Variants in ARHGAP27 observed in about 807,000 individuals in gnomAD.
ARHGAP27 encodes Rho GTPase activating protein 27, also known as rho GTPase-activating protein 27.
Under a neutral mutation model 102.0 loss-of-function variants are expected in ARHGAP27, and 53 were observed. That is an observed-to-expected ratio of 0.52 (90% CI 0.42 to 0.65). The LOEUF is 0.65. Ranked by LOEUF, ARHGAP27 falls within the 30% of genes least tolerant of loss-of-function variation. The probability of loss-of-function intolerance (pLI) is 0.00; values close to 1 mark genes in which losing one functional copy is unlikely to be tolerated. For synonymous variants in ARHGAP27, 525 were observed against 542.8 expected, an observed-to-expected ratio of 0.97 and a Z score of 0.46; for missense variants, 1,117 against 1,256.2, an observed-to-expected ratio of 0.89 and a Z score of 1.68.
intron 16 of ARHGAP27, 31 bp downstream of exon 16, chr17:45,396,456 C>T: frequency 6.7e-7 from 1 of 1,500,584 alleles, no homozygotes. Flanking sequence ...CACCCCAATG[C>T]CTGCCGCCCT....
chr17:45,419,560 C>G, intron 4 of ARHGAP27, among the ~76,000 whole-genome samples: 1 of 122,280 alleles, frequency 8.2e-6, no homozygotes, highest in Non-Finnish European at 1.6e-5. Context: ...ATATATATGA[C>G]TTTGTAACAA....
At chr17:45,421,599 G>A (rs753469838) in intron 4 of ARHGAP27, among the ~76,000 whole-genome samples, 20 of 152,194 alleles carry the variant, frequency 1.3e-4, no homozygotes, top group Non-Finnish European at 1.3e-4. Context: ...TGAGGGTGCT[G>A]AGAAAAGAAT....
intron 5 of ARHGAP27, 129 bp from the exon 6 acceptor site, chr17:45,405,235 G>T (rs1199818183): frequency 9.8e-7 from 1 of 1,025,218 alleles, no homozygotes; most frequent in East Asian, 2.6e-5. Flanking sequence ...GGCGGGGTCA[G>T]AAGCGCTCAG....
chr17:45,430,413 G>A lies in ARHGAP27; in HGVS notation c.-18-116C>T, dbSNP rs2049972371. ...GATCCTGCACTCGCCGTTCGCCTTC[G>A]GGCCTCAGTTTTCCCATCTCTAAAA... On this transcript the variant is annotated intron_variant, in intron 3 of 19. Coordinates refer to ENST00000685559, the MANE Select transcript of ARHGAP27 (RefSeq NM_001282290.2). This position sits in a 1 kb window ranked among gnomAD's most constrained non-coding sequence, Gnocchi z 4.4. 7.0e-7 allele frequency: 1 copy of A among 1,419,188 alleles called. No homozygotes were observed. The highest frequency in any genetic ancestry group is 1.4e-5 in the South Asian group (1 of 70,556). The allele number at this position is 1,419,188 out of a possible 1,614,324, so 87.9% of individuals were successfully genotyped here.
chr17:45,399,535 T>C (rs1010246601), intron 12 of ARHGAP27, among the ~76,000 whole-genome samples: 7 of 146,130 alleles, frequency 4.8e-5, no homozygotes, highest in African/African-American at 1.8e-4. Flanking sequence ...GAGATTGCAG[T>C]GAGCCGAGAT....
In ARHGAP27 at chr17:45,396,552, C is replaced by T. The variant is rs774362215; in HGVS notation, c.2108G>A (p.Cys703Tyr). 6.3e-7 allele frequency: 1 copy of T among 1,598,798 alleles called. No homozygotes were observed. The highest frequency in any genetic ancestry group is 8.5e-7 in the Non-Finnish European group (1 of 1,176,440). The change falls in exon 16 of 20, where the codon TGT becomes TAT. Residue 703 changes from cysteine to tyrosine, a missense_variant. By Grantham distance (194) the Cys-to-Tyr change is radical (BLOSUM62 -2). Coordinates refer to ENST00000685559, the MANE Select transcript of ARHGAP27 (RefSeq NM_001282290.2). The stretch of plus-strand genomic sequence containing the variant: ...TGGCACCCGGCTCCTCTCGCGCTCA[C>T]ACAGCGCGGCCAGCGCGCAGCCGAA... ...QVFGCALAAL[C>Y]ERERSRVPRF...
chr17:45,394,652 G>A lies in ARHGAP27; in HGVS notation c.*804C>T, dbSNP rs929516879. Reference sequence around the variant, plus strand: ...CAGGCTGTACTCTGGTGTGGGAGGAGCCTTTTCTGGGGAATGAGGTCACTC... The same window carrying A: ...CAGGCTGTACTCTGGTGTGGGAGGAACCTTTTCTGGGGAATGAGGTCACTC... On this transcript the variant is annotated 3_prime_UTR_variant, in exon 20 of 20. Transcript: ENST00000685559. The A allele has an allele frequency of 6.6e-6, 1 of 152,320 alleles. No homozygotes were observed. Among genetic ancestry groups the A allele is most frequent in the African/African-American group, 2.4e-5 (1 of 41,470 alleles). The allele number at this position is 152,320 out of a possible 1,614,324, so 9.4% of individuals were successfully genotyped here.
At chr17:45,426,104 AC>A (rs1187740046) in intron 4 of ARHGAP27, among the ~76,000 whole-genome samples, 3 of 151,944 alleles carry the variant, frequency 2.0e-5, no homozygotes, top group Non-Finnish European at 4.4e-5. Context: ...AGGGTGGCCA[AC>A]CCTAAAGGCC....
chr17:45,425,918 G>A (rs76344126), intron 4 of ARHGAP27, among the ~76,000 whole-genome samples: 18,209 of 152,144 alleles, frequency 0.12, 1,512 homozygotes, highest in Middle Eastern at 0.21. Flanking sequence ...TACCTCCCCC[G>A]TCTCCCTCTA....
Position 45,422,212 on chromosome 17 carries a change from C to T in ARHGAP27, c.657+7411G>A, listed in dbSNP as rs182393394. ...GAAAATAATAAAAATACAGTGGTGG[C>T]GGGCAACACGAAGAAACCCCATCAC... On this transcript the variant is annotated intron_variant, in intron 4 of 19. Coordinates refer to ENST00000685559, the MANE Select transcript of ARHGAP27 (RefSeq NM_001282290.2). Among the ~76,000 whole-genome samples, 26 of 150,414 alleles carry T rather than the reference C, an allele frequency of 1.7e-4. No homozygotes were observed. The East Asian group carries it at 2.7e-3, about 16-fold the overall frequency.
intron 8 of ARHGAP27, 50 bp from the exon 9 acceptor site, chr17:45,404,384 C>A (rs1036779571): frequency 1.2e-6 from 2 of 1,613,442 alleles, no homozygotes; most frequent in Non-Finnish European, 1.7e-6. Context: ...CCCAGGAACT[C>A]CAGAAGCCCC....
At chr17:45,431,863 C>T (rs975782575) in intron 2 of ARHGAP27, 111 bp from the exon 3 acceptor site, 1 of 178,908 alleles carries the variant, frequency 5.6e-6, no homozygotes, top group Non-Finnish European at 1.2e-5. Flanking sequence ...CTGCTGGGGA[C>T]CTTGGGGGGC....
chr17:45,396,742 A>T lies in ARHGAP27; in HGVS notation c.2000T>A (p.Val667Asp). ...GAGGAACTTGCGGAGCTTGTGCCGG[A>T]CCTTGCTCAAGTCGCTCTCCAGGCC... ...PVGLESDLSK[V>D]RHKLRKFLQR... is the part of the protein sequence containing the mutation. The change falls in exon 15 of 20, where the codon GTC (valine) becomes GAC (aspartate). Residue 667 changes from valine to aspartate, a missense_variant. Physicochemically the swap from Val to Asp is radical, Grantham distance 152. Coordinates refer to ENST00000685559, the MANE Select transcript of ARHGAP27 (RefSeq NM_001282290.2). The T allele has an allele frequency of 6.2e-7, 1 of 1,613,738 alleles. No individual in the cohort carries two copies. The highest frequency in any genetic ancestry group is 8.5e-7 in the Non-Finnish European group (1 of 1,179,760).
chr17:45,400,491 C>A (rs2046312005), intron 12 of ARHGAP27, among the ~76,000 whole-genome samples: 1 of 152,204 alleles, frequency 6.6e-6, no homozygotes, highest in African/African-American at 2.4e-5. Flanking sequence ...CCAGTCCTTG[C>A]CAGCAAAGAC....
At position 45,423,585 on chromosome 17, in the gene ARHGAP27, A is replaced by ACATAT. The variant is rs760999105; in HGVS notation, c.657+6033_657+6037dup. On this transcript the variant is annotated intron_variant, in intron 4 of 19. Transcript: ENST00000685559. ...ACATGCCCCCAACAGCTCTCTGCAG[A>ACATAT]CATATCATATCATATCATATCTTCC... Among the ~76,000 whole-genome samples, 59 of 152,268 alleles carry ACATAT rather than the reference A, an allele frequency of 3.9e-4. 1 individual carries two copies. The highest frequency in any genetic ancestry group is 2.5e-3 in the South Asian group (12 of 4,816).
rs1410443663 is a variant in ARHGAP27 at position 45,395,405 on chromosome 17, C to T, written c.*51G>A. On this transcript the variant is annotated 3_prime_UTR_variant, in exon 20 of 20. Coordinates refer to ENST00000685559, the MANE Select transcript of ARHGAP27 (RefSeq NM_001282290.2). ...AGGCCCGGCTGCGTGGCCTCCGCCGCCCAGCTTGTGTGGCAGGACCGCGGC... is the reference window on the plus strand; with the variant it reads ...AGGCCCGGCTGCGTGGCCTCCGCCGTCCAGCTTGTGTGGCAGGACCGCGGC... 7 of 1,519,318 alleles carry T rather than the reference C, an allele frequency of 4.6e-6. No homozygotes were observed. Among genetic ancestry groups the T allele is most frequent in the Non-Finnish European group, 5.3e-6 (6 of 1,129,350 alleles). The allele number at this position is 1,519,318 out of a possible 1,614,324, so 94.1% of individuals were successfully genotyped here.
At chr17:45,422,808 A>G (rs759179905) in intron 4 of ARHGAP27, among the ~76,000 whole-genome samples, 3 of 152,230 alleles carry the variant, frequency 2.0e-5, no homozygotes, top group Non-Finnish European at 2.9e-5. Flanking sequence ...AAGGATACAA[A>G]GGAAATGAAA....
rs572667938 is a variant in ARHGAP27 at position 45,414,602 on chromosome 17, C to T, written c.658-8519G>A. On this transcript the variant is annotated intron_variant, in intron 4 of 19. Transcript: ENST00000685559. ...CTGGCAGTACAGGCCCACACCACCA[C>T]GCCCGGCTAATTTTTTTTTTTTTTT... 7.7e-5 allele frequency among the ~76,000 whole-genome samples: 11 copies of T among 143,474 alleles called. No individual in the cohort carries two copies. The South Asian group carries it at 1.1e-3, about 15-fold the overall frequency. The allele number at this position is 143,474 out of a possible 152,430, so 94.1% of individuals were successfully genotyped here.
rs571462260 is a variant in ARHGAP27 at position 45,421,448 on chromosome 17, C to A, written c.657+8175G>T. 2.0e-5 allele frequency among the ~76,000 whole-genome samples: 3 copies of A among 151,984 alleles called. No homozygotes were observed. In the East Asian group the frequency reaches 5.9e-4, roughly 30 times the overall value. ...AGTGAGCCGTGATCGTGCCATAGCA[C>A]TCCAGCCTGGGTGGCACAGTAGACC... On this transcript the variant is annotated intron_variant, in intron 4 of 19. Coordinates refer to ENST00000685559, the MANE Select transcript of ARHGAP27 (RefSeq NM_001282290.2).
Sources: allele counts gnomAD v4.1 joint callset (sites outside exome capture counted in the v4.1 genomes callset), GRCh38; gene constraint gnomAD v4.1.1; non-coding constraint Gnocchi (gnomAD v3.1); transcripts MANE v1.5; gene names NCBI Gene and HGNC (gene_info 2026-07-23, HGNC 2026-07-21).